The following DSCAM variants were observed in gnomAD, a reference collection of about 807,000 sequenced individuals.
The protein encoded by DSCAM is cell adhesion molecule DSCAM.
DSCAM carries 47 observed loss-of-function variants against 217.7 expected under a neutral mutation model. That is an observed-to-expected ratio of 0.22 (90% CI 0.17 to 0.28). DSCAM has a LOEUF of 0.28. Among genes scored for constraint, DSCAM ranks in the 10% least tolerant of loss-of-function variants. DSCAM has a pLI of 1.00. For missense variants in DSCAM, 2,080 were observed against 2,618.3 expected (o/e 0.79, Z 4.49); for synonymous variants, 1,056 against 1,015.3 (o/e 1.04, Z -0.76).
rs1017531621 is a variant in DSCAM at position 40,586,158 on chromosome 21, G to T, written c.508+106652C>A. Among the ~76,000 whole-genome samples the T allele has an allele frequency of 2.0e-5, 3 of 152,048 alleles. No homozygotes were observed. The South Asian group carries it at 6.2e-4, about 31-fold the overall frequency. On this transcript the variant is annotated intron_variant, in intron 3 of 32. Transcript: ENST00000400454. Reference sequence around the variant, plus strand: ...AGACATGAGCCAACATGCCTGGTCCGTGCTCTTTTGTTTCTGTTCTTGCCA... The same window carrying T: ...AGACATGAGCCAACATGCCTGGTCCTTGCTCTTTTGTTTCTGTTCTTGCCA...
intron 19 of DSCAM, among the ~76,000 whole-genome samples, chr21:40,128,630 G>A (rs1222575569): frequency 2.0e-5 from 3 of 151,154 alleles, no homozygotes; most frequent in Non-Finnish European, 2.9e-5. Context: ...AAGCTACCAT[G>A]CTGTAGGGGG....
At chr21:40,198,218 G>A (rs73364168) in intron 11 of DSCAM, among the ~76,000 whole-genome samples, 8,816 of 152,252 alleles carry the variant, frequency 0.058, 594 homozygotes, top group African/African-American at 0.17. Flanking sequence ...TCAAAAAGCA[G>A]GAAAAAGGTG....
At chr21:40,136,623 A>G (rs1220253574) in intron 18 of DSCAM, among the ~76,000 whole-genome samples, 1 of 152,222 alleles carries the variant, frequency 6.6e-6, no homozygotes, top group Non-Finnish European at 1.5e-5. Context: ...AATCAATAAA[A>G]ATACAGCTGA....
chr21:40,241,447 A>C (rs981420109), intron 11 of DSCAM, among the ~76,000 whole-genome samples: 1 of 152,216 alleles, frequency 6.6e-6, no homozygotes, highest in African/African-American at 2.4e-5. Flanking sequence ...ATACCATCTC[A>C]TACCAGTCAG....
At chr21:40,265,051 GGTGTAGTGACAGGCATCTATAATC>G (rs139144214) in intron 11 of DSCAM, among the ~76,000 whole-genome samples, 6,033 of 152,074 alleles carry the variant, frequency 0.04, 342 homozygotes, top group East Asian at 0.22. Context: ...AAATTAGCCA[GGTGTAGTGACAGGCATCTATAATC>G]CCAGCTACTC....
intron 3 of DSCAM, among the ~76,000 whole-genome samples, chr21:40,484,910 A>G (rs2076012319): frequency 6.6e-6 from 1 of 152,200 alleles, no homozygotes; most frequent in South Asian, 2.1e-4. Context: ...GGTGACGCCA[A>G]CAGTCCCAGC....
chr21:40,819,613 A>G (rs57292936), intron 1 of DSCAM, among the ~76,000 whole-genome samples: 9,610 of 152,320 alleles, frequency 0.063, 399 homozygotes, highest in Admixed American at 0.11. Context: ...TTGTGGGCCA[A>G]GCTGTTGTGA....
At chr21:40,758,902 T>C (rs2091302752) in intron 1 of DSCAM, among the ~76,000 whole-genome samples, 1 of 152,148 alleles carries the variant, frequency 6.6e-6, no homozygotes, top group African/African-American at 2.4e-5. Flanking sequence ...ATCTTAAAGA[T>C]GTTAAGGATG....
chr21:40,386,472 G>T (rs537022606), intron 3 of DSCAM, among the ~76,000 whole-genome samples: 31 of 152,254 alleles, frequency 2.0e-4, no homozygotes, highest in Non-Finnish European at 4.4e-4. Context: ...ACGCCGGGCC[G>T]CTGCGGGAGA....
intron 3 of DSCAM, among the ~76,000 whole-genome samples, chr21:40,610,301 C>G (rs1482515330): frequency 6.6e-6 from 1 of 152,198 alleles, no homozygotes; most frequent in South Asian, 2.1e-4. Context: ...GGACACTGCA[C>G]CCAGCCGTTG....
intron 14 of DSCAM, among the ~76,000 whole-genome samples, chr21:40,182,570 A>G (rs2090821816): frequency 6.7e-6 from 1 of 148,172 alleles, no homozygotes; most frequent in Non-Finnish European, 1.5e-5. Flanking sequence ...GGGAGGTACC[A>G]GAGAAACTGT....
At chr21:40,256,290 A>T (rs1243874298) in intron 11 of DSCAM, among the ~76,000 whole-genome samples, 1 of 152,164 alleles carries the variant, frequency 6.6e-6, no homozygotes, top group Non-Finnish European at 1.5e-5. Context: ...TGGGTGCTAC[A>T]AGGCATGTGT....
At chr21:40,817,895 G>A (rs1253295816) in intron 1 of DSCAM, among the ~76,000 whole-genome samples, 1 of 151,212 alleles carries the variant, frequency 6.6e-6, no homozygotes, top group Non-Finnish European at 1.5e-5. Context: ...AGGAGATCGA[G>A]ACCATCCTGG....
At chr21:40,724,088 T>C (rs549661047) in intron 1 of DSCAM, among the ~76,000 whole-genome samples, 35 of 152,324 alleles carry the variant, frequency 2.3e-4, no homozygotes, top group African/African-American at 7.7e-4. Context: ...GTCACTCTCA[T>C]TAACATTGCT....
intron 1 of DSCAM, among the ~76,000 whole-genome samples, chr21:40,833,691 G>A (rs1332191027): frequency 6.6e-6 from 1 of 152,168 alleles, no homozygotes; most frequent in Non-Finnish European, 1.5e-5. Context: ...ACCAGCTATG[G>A]TTTTAGCAGC....
chr21:40,498,666 CCCATATATATA>C (rs2076140027), intron 3 of DSCAM, among the ~76,000 whole-genome samples: 1 of 51,046 alleles, frequency 2.0e-5, no homozygotes, highest in African/African-American at 7.7e-5. Flanking sequence ...TATATATATA[CCCATATATATA>C]TATATATATA....
intron 3 of DSCAM, among the ~76,000 whole-genome samples, chr21:40,543,966 A>G (rs1373768756): frequency 6.6e-6 from 1 of 152,168 alleles, no homozygotes; most frequent in Non-Finnish European, 1.5e-5. Flanking sequence ...TTCTTTCAAA[A>G]GCTAACTTTT....
At chr21:40,322,805 G>A (rs112662514) in intron 8 of DSCAM, among the ~76,000 whole-genome samples, 18,053 of 152,188 alleles carry the variant, frequency 0.12, 1,738 homozygotes, top group African/African-American at 0.26. Flanking sequence ...GATTACAGGC[G>A]TGAGCCACCA....
At chr21:40,443,463 A>T (rs1020057596) in intron 3 of DSCAM, among the ~76,000 whole-genome samples, 3 of 152,142 alleles carry the variant, frequency 2.0e-5, no homozygotes, top group African/African-American at 7.2e-5. Flanking sequence ...GGATTACAGG[A>T]TTCCATTCAT....
Sources: allele counts gnomAD v4.1 joint callset (sites outside exome capture counted in the v4.1 genomes callset), GRCh38; gene constraint gnomAD v4.1.1; transcripts MANE v1.5; gene names NCBI Gene and HGNC (gene_info 2026-07-23, HGNC 2026-07-21).